CD200: variants seen among roughly 807,000 people sequenced by gnomAD.
The protein encoded by CD200 is OX-2 membrane glycoprotein.
A neutral mutation model predicts 30.9 loss-of-function variants in CD200; 15 were observed. That is an observed-to-expected ratio of 0.49 (90% CI 0.32 to 0.75). The LOEUF is 0.75. Among genes scored for constraint, CD200 ranks in the 30% least tolerant of loss-of-function variants. The pLI is 0.03. For missense variants in CD200, 262 were observed against 324.2 expected (o/e 0.81, Z 1.47); for synonymous variants, 134 against 126.2 (o/e 1.06, Z -0.41).
At chr3:112,360,197 A>G (rs1386330695) in intron 5 of CD200, among the ~76,000 whole-genome samples, 1 of 152,124 alleles carries the variant, frequency 6.6e-6, no homozygotes, top group Non-Finnish European at 1.5e-5. Flanking sequence ...GCATAGTGGC[A>G]TGTGCCTGTA....
intron 5 of CD200, among the ~76,000 whole-genome samples, chr3:112,353,634 A>T (rs904657480): frequency 6.6e-6 from 1 of 152,162 alleles, no homozygotes; most frequent in African/African-American, 2.4e-5. Context: ...TTCGATAAAC[A>T]ATTTGTGATG....
At chr3:112,342,415 TTCTTTC>T (rs2081287368) in intron 2 of CD200, among the ~76,000 whole-genome samples, 1 of 81,478 alleles carries the variant, frequency 1.2e-5, no homozygotes, top group African/African-American at 4.6e-5. Flanking sequence ...CTTTCTTTCT[TTCTTTC>T]TTTCTTTCTT....
Position 112,347,566 on chromosome 3 carries a change from A to G in CD200, c.430A>G (p.Ile144Val), listed in dbSNP as rs746019743. The G allele has an allele frequency of 3.1e-6, 5 of 1,613,914 alleles. No homozygotes were observed. The highest frequency in any genetic ancestry group is 4.2e-6 in the Non-Finnish European group (5 of 1,179,840). Residue 144 changes from isoleucine (I) to valine (V), a missense_variant, in exon 4 of 6, where the codon ATA (isoleucine) becomes GTA (valine). Physicochemically the swap from Ile to Val is conservative, Grantham distance 29. Transcript: ENST00000315711. ...TACLTVYVQP[I>V]VSLHYKFSED... Reference sequence around the variant, plus strand: ...TTTATTTTTTGTCCCAGTACAGCCCATAGTATCCCTTCACTACAAATTCTC... The same window carrying G: ...TTTATTTTTTGTCCCAGTACAGCCCGTAGTATCCCTTCACTACAAATTCTC...
intron 5 of CD200, 187 bp downstream of exon 5, chr3:112,350,006 A>C: frequency 3.1e-6 from 3 of 978,766 alleles, no homozygotes; most frequent in Non-Finnish European, 3.6e-6. Flanking sequence ...TTGGACATTA[A>C]ATTGGACATT....
chr3:112,354,152 G>A (rs1270138238), intron 5 of CD200, among the ~76,000 whole-genome samples: 12 of 152,076 alleles, frequency 7.9e-5, no homozygotes. Context: ...AAACCCACAT[G>A]GGCATAGATG....
chr3:112,349,054 T>C (rs2081474757), intron 4 of CD200, among the ~76,000 whole-genome samples: 3 of 152,118 alleles, frequency 2.0e-5, no homozygotes, highest in African/African-American at 7.2e-5. Flanking sequence ...TCTGAGGTGT[T>C]CAGTTAAATA....
Position 112,342,326 on chromosome 3 carries a change from TTTCTTTCTTTCCTTCTTTCTTTC to T in CD200, c.94+1346_94+1368del, listed in dbSNP as rs2081265906. ...CCTTCCTTTCTTCTTTCTTTCTTTC[TTTCTTTCTTTCCTTCTTTCTTTC>T]TTTCTTTCTTTCTTTCTTTCTTTCT... On this transcript the variant is annotated intron_variant, in intron 2 of 5. Coordinates refer to ENST00000315711, the MANE Select transcript of CD200 (RefSeq NM_005944.7). Among the ~76,000 whole-genome samples the T allele has an allele frequency of 3.4e-4, 11 of 32,192 alleles. 2 individuals are homozygous for T. In the East Asian group the frequency reaches 4.0e-3, roughly 12 times the overall value. 21.1% of individuals were successfully genotyped at this position (32,192 alleles called of 152,430 possible).
chr3:112,351,940 G>T (rs1286484260), intron 5 of CD200, among the ~76,000 whole-genome samples: 1 of 152,068 alleles, frequency 6.6e-6, no homozygotes, highest in Non-Finnish European at 1.5e-5. Flanking sequence ...GCTCTCATGG[G>T]AACTAACAGA....
chr3:112,359,119 C>T (rs2081687717), intron 5 of CD200, among the ~76,000 whole-genome samples: 1 of 152,052 alleles, frequency 6.6e-6, no homozygotes, highest in Non-Finnish European at 1.5e-5. Flanking sequence ...TAAAGCATGG[C>T]CTTTGAGGCG....
At chr3:112,349,665 T>G in intron 4 of CD200, 47 bp from the exon 5 acceptor site, 1 of 1,553,728 alleles carries the variant, frequency 6.4e-7, no homozygotes, top group South Asian at 1.3e-5. Flanking sequence ...CCTCAACAAT[T>G]TCCTCATGTG....
intron 5 of CD200, among the ~76,000 whole-genome samples, chr3:112,359,893 T>A (rs17513726): frequency 0.23 from 35,124 of 152,022 alleles, 4,335 homozygotes; most frequent in Non-Finnish European, 0.28. Context: ...GTTACTTGGA[T>A]TTTGTTAGGG....
chr3:112,355,156 T>C (rs2081602380), intron 5 of CD200, among the ~76,000 whole-genome samples: 1 of 152,162 alleles, frequency 6.6e-6, no homozygotes, highest in African/African-American at 2.4e-5. Context: ...GTGACTTACT[T>C]AGAGGGACAG....
chr3:112,333,902 G>T (rs2081054170), intron 1 of CD200: 1 of 985,220 alleles, frequency 1.0e-6, no homozygotes, highest in African/African-American at 1.7e-5. Context: ...CAGCTTACAA[G>T]ACAAAAAACG....
At position 112,359,013 on chromosome 3, in the gene CD200, T is replaced by C. The variant is rs181121082; in HGVS notation, c.803-2530T>C. Among the ~76,000 whole-genome samples, 127 of 152,370 alleles carry C rather than the reference T, an allele frequency of 8.3e-4. 1 individual carries two copies. The highest frequency in any genetic ancestry group is 1.3e-4 in the Non-Finnish European group (9 of 68,036). ...AGAATCACATTCTCTACAAGTGTCC[T>C]GTGTTTTTGCAAATTAACCGGTACT... On this transcript the variant is annotated intron_variant, in intron 5 of 5. Transcript: ENST00000315711.
intron 2 of CD200, among the ~76,000 whole-genome samples, chr3:112,342,369 CT>C (rs769263485): frequency 3.1e-5 from 1 of 32,784 alleles, no homozygotes; most frequent in African/African-American, 1.0e-4. Flanking sequence ...TTCTTTCTTT[CT>C]TTCTTTCTTT....
chr3:112,348,875 G>GTC (rs1271061605), intron 4 of CD200, among the ~76,000 whole-genome samples: 1 of 146,356 alleles, frequency 6.8e-6, no homozygotes, highest in Non-Finnish European at 1.5e-5. Flanking sequence ...AAAAAAGAAT[G>GTC]TCTTTTTTTT....
At chr3:112,344,044 A>G (rs372795171) in intron 2 of CD200, among the ~76,000 whole-genome samples, 196 of 152,232 alleles carry the variant, frequency 1.3e-3, no homozygotes, top group African/African-American at 4.5e-3. Context: ...AAGTCAGCCT[A>G]TCTGTTGCAA....
chr3:112,347,985 G>A (rs993112380), intron 4 of CD200, among the ~76,000 whole-genome samples, 155 bp downstream of exon 4: 6 of 152,128 alleles, frequency 3.9e-5, no homozygotes, highest in African/African-American at 1.4e-4. Flanking sequence ...CAAAAAAATT[G>A]AAGAAACAAA....
intron 5 of CD200, among the ~76,000 whole-genome samples, chr3:112,358,505 A>C (rs1248435488): frequency 2.0e-5 from 3 of 152,250 alleles, no homozygotes; most frequent in Non-Finnish European, 1.5e-5. Flanking sequence ...CTCTTTTTGA[A>C]GAAGAGAAAC....
Sources: allele counts gnomAD v4.1 joint callset (sites outside exome capture counted in the v4.1 genomes callset), GRCh38; gene constraint gnomAD v4.1.1; transcripts MANE v1.5; gene names NCBI Gene and HGNC (gene_info 2026-07-23, HGNC 2026-07-21).